Variants in DOK7 observed in about 807,000 individuals in gnomAD.
DOK7 encodes the protein protein Dok-7.
Under a neutral mutation model 30.7 loss-of-function variants are expected in DOK7, and 32 were observed. The observed-to-expected ratio is 1.04, with a 90% CI of 0.79 to 1.40. DOK7 has a LOEUF of 1.40. Ranked by LOEUF, DOK7 falls within the 40% of genes most tolerant of loss-of-function variation. The pLI, the probability that DOK7 is intolerant of heterozygous loss-of-function variation, is 0.00. For synonymous variants in DOK7, 447 were observed against 324.1 expected (o/e 1.38, Z -4.07); for missense variants, 1,007 against 699.2 (o/e 1.44, Z -4.97).
chr4:3,487,043 G>A (rs1208085902), intron 5 of DOK7, among the ~76,000 whole-genome samples: 1 of 152,120 alleles, frequency 6.6e-6, no homozygotes, highest in African/African-American at 2.4e-5. Context: ...CCAGCCCCAG[G>A]CGGGGCCATT....
At chr4:3,475,133 T>G (rs889774206) in intron 3 of DOK7, among the ~76,000 whole-genome samples, 1 of 152,060 alleles carries the variant, frequency 6.6e-6, no homozygotes, top group Non-Finnish European at 1.5e-5. Context: ...GGAGGTGCGG[T>G]TGGCTCTGCA....
At chr4:3,480,464 C>G (rs181581730) in intron 4 of DOK7, among the ~76,000 whole-genome samples, 1 of 152,198 alleles carries the variant, frequency 6.6e-6, no homozygotes, top group Admixed American at 6.5e-5. Context: ...AAAAATTAGG[C>G]AGGTGTGGTA....
Position 3,493,454 on chromosome 4 carries a change from T to C in DOK7, c.1468T>C (p.Ser490Pro). The change falls in exon 7 of 7, where the codon TCG becomes CCG. Residue 490 changes from serine (S) to proline (P), a missense_variant. Coordinates refer to ENST00000340083, the MANE Select transcript of DOK7 (RefSeq NM_173660.5). Reference sequence around the variant, plus strand: ...CGCGGGGCCACCCCCGGCTTTCTTTTCGGCATGTCCAGTCTGTGGAGGACT... The same window carrying C: ...CGCGGGGCCACCCCCGGCTTTCTTTCCGGCATGTCCAGTCTGTGGAGGACT... ...PHAGPPPAFF[S>P]ACPVCGGLKV... 6.2e-7 allele frequency: 1 copy of C among 1,610,158 alleles called. No individual in the cohort carries two copies. Among genetic ancestry groups the C allele is most frequent in the Non-Finnish European group, 8.5e-7 (1 of 1,178,854 alleles).
At position 3,494,404 on chromosome 4, in the gene DOK7, TCTTTGTCC is replaced by T. The variant is rs1728777338; in HGVS notation, c.*907_*914del. Reference sequence around the variant, plus strand: ...AGCCCAGCAGCTCCCTGTGAACACCTCTTTGTCCCTTCACTGTCAGCTGTTTCTAAACC... The same window carrying T: ...AGCCCAGCAGCTCCCTGTGAACACCTCTTCACTGTCAGCTGTTTCTAAACC... On this transcript the variant is annotated 3_prime_UTR_variant, in exon 7 of 7. Coordinates refer to ENST00000340083, the MANE Select transcript of DOK7 (RefSeq NM_173660.5). 1 of 985,834 alleles carries T rather than the reference TCTTTGTCC, an allele frequency of 1.0e-6. No individual in the cohort carries two copies. 61.1% of individuals were successfully genotyped at this position (985,834 alleles called of 1,614,324 possible). A position where few individuals can be genotyped will look rare whatever the true frequency, so the allele number is the denominator to read the frequency against.
At chr4:3,498,818 A>AG (rs530321647), downstream of DOK7, among the ~76,000 whole-genome samples, 60 of 152,326 alleles carry the variant, frequency 3.9e-4, no homozygotes, top group African/African-American at 1.4e-3. Flanking sequence ...CATTTGCAGG[A>AG]GGGGGGTCTC....
chr4:3,494,163 T>G lies in DOK7; in HGVS notation c.*662T>G, dbSNP rs1409907106. 22 of 985,590 alleles carry G rather than the reference T, an allele frequency of 2.2e-5. No individual in the cohort carries two copies. The highest frequency in any genetic ancestry group is 5.2e-4 in the Middle Eastern group (1 of 1,914). 61.1% of individuals were successfully genotyped at this position (985,590 alleles called of 1,614,324 possible). A position where few individuals can be genotyped will look rare whatever the true frequency, so the allele number is the denominator to read the frequency against. On this transcript the variant is annotated 3_prime_UTR_variant, in exon 7 of 7. Coordinates refer to ENST00000340083, the MANE Select transcript of DOK7 (RefSeq NM_173660.5). Reference sequence around the variant, plus strand: ...GTGGTGTCCTCAGAGCAGCCTCGCCTGCTGACCCCACTGGGAGAGGCGCCG... The same window carrying G: ...GTGGTGTCCTCAGAGCAGCCTCGCCGGCTGACCCCACTGGGAGAGGCGCCG...
chr4:3,493,282 G>A lies in DOK7; in HGVS notation c.1296G>A (p.Arg432=), dbSNP rs1288310207. 1 of 1,609,940 alleles carries A rather than the reference G, an allele frequency of 6.2e-7. No homozygotes were observed. The highest frequency in any genetic ancestry group is 8.5e-7 in the Non-Finnish European group (1 of 1,178,744). The stretch of plus-strand genomic sequence containing the variant: ...GCAGCCCCGGCAACAGTGCGGCCAG[G>A]GACTCAGGCGGCCAGACGTCCGCCG... The part of the protein sequence containing the change: ...SQGSPGNSAA[R]DSGGQTSAGC... The change falls in exon 7 of 7, where the codon AGG becomes AGA. Residue 432 remains arginine (R), a synonymous_variant. Coordinates refer to ENST00000340083, the MANE Select transcript of DOK7 (RefSeq NM_173660.5).
intron 4 of DOK7, 66 bp from the exon 5 acceptor site, chr4:3,485,473 C>A: frequency 7.0e-7 from 1 of 1,436,886 alleles, no homozygotes; most frequent in East Asian, 2.7e-5. Flanking sequence ...TTCCTGTGTT[C>A]CTCCTCTTCA....
chr4:3,492,607 C>A, intron 6 of DOK7, 152 bp from the exon 7 acceptor site: 1 of 1,011,454 alleles, frequency 9.9e-7, no homozygotes, highest in Non-Finnish European at 1.5e-6. Flanking sequence ...TTGGTGAAGC[C>A]AGGTTTCTGC....
intron 4 of DOK7, among the ~76,000 whole-genome samples, chr4:3,478,930 G>A (rs1468681752): frequency 6.6e-6 from 1 of 152,232 alleles, no homozygotes; most frequent in Non-Finnish European, 1.5e-5. Flanking sequence ...TCTGCGGCAC[G>A]TGTGGGCAGC....
chr4:3,488,503 G>A (rs1037521949), intron 5 of DOK7, among the ~76,000 whole-genome samples: 7 of 152,222 alleles, frequency 4.6e-5, no homozygotes, highest in Admixed American at 6.5e-5. Context: ...CCATGGGGTC[G>A]GGACGTCTGG....
rs980031353 is a variant in DOK7, at chr4:3,493,721, G to A, written c.*220G>A. 5 of 1,424,328 alleles carry A rather than the reference G, an allele frequency of 3.5e-6. No individual in the cohort carries two copies. The highest frequency in any genetic ancestry group is 5.9e-5 in the Admixed American group (2 of 33,876). 88.2% of individuals were successfully genotyped at this position (1,424,328 alleles called of 1,614,324 possible). Reference sequence around the variant, plus strand: ...CTGGAAGGCAGGGGCTCTGGGTCCGGCAGGTCGGGGTCACCAGAGCCCCAA... The same window carrying A: ...CTGGAAGGCAGGGGCTCTGGGTCCGACAGGTCGGGGTCACCAGAGCCCCAA... On this transcript the variant is annotated 3_prime_UTR_variant, in exon 7 of 7. Coordinates refer to ENST00000340083, the MANE Select transcript of DOK7 (RefSeq NM_173660.5).
At chr4:3,501,041 G>A (rs776915355) in exon 8 of DOK7, 26 of 714,714 alleles carry the variant, frequency 3.6e-5, no homozygotes, top group Non-Finnish European at 4.6e-5. Context: ...CTGACCCTTC[G>A]GCCTGAAAGA....
At chr4:3,482,691 C>T (rs141384561) in intron 4 of DOK7, among the ~76,000 whole-genome samples, 2 of 152,378 alleles carry the variant, frequency 1.3e-5, no homozygotes, top group African/African-American at 2.4e-5. Context: ...TGTTCTCCCC[C>T]CTTTCCCCAA....
At chr4:3,487,966 C>T (rs997312618) in intron 5 of DOK7, among the ~76,000 whole-genome samples, 18 of 152,244 alleles carry the variant, frequency 1.2e-4, no homozygotes, top group Admixed American at 2.0e-4. Flanking sequence ...CTGAATGTGT[C>T]TGTGAAAGTG....
intron 4 of DOK7, among the ~76,000 whole-genome samples, chr4:3,480,722 G>T (rs1727393718): frequency 6.6e-6 from 1 of 152,266 alleles, no homozygotes; most frequent in South Asian, 2.1e-4. Flanking sequence ...ACTGCAGCCT[G>T]CGGGGGCAGC....
At chr4:3,483,814 G>C (rs534120226) in intron 4 of DOK7, among the ~76,000 whole-genome samples, 1 of 152,316 alleles carries the variant, frequency 6.6e-6, no homozygotes, top group African/African-American at 2.4e-5. Context: ...GCCTGGCACT[G>C]AGTGAGCCAG....
rs1043828977 is a variant in DOK7, at chr4:3,493,624, C to G, written c.*123C>G. ...TTCTGTGGGAGGGACCGGGGGTCTC[C>G]CGGAGAGGGGAGCTGGAGGGCGCGC... On this transcript the variant is annotated 3_prime_UTR_variant, in exon 7 of 7. Coordinates refer to ENST00000340083, the MANE Select transcript of DOK7 (RefSeq NM_173660.5). 5.4e-6 allele frequency: 8 copies of G among 1,494,842 alleles called. No homozygotes were observed. Among genetic ancestry groups the G allele is most frequent in the Admixed American group, 4.6e-5 (2 of 43,824 alleles). 92.6% of individuals were successfully genotyped at this position (1,494,842 alleles called of 1,614,324 possible).
Position 3,484,649 on chromosome 4 carries a change from G to A in DOK7, c.533-890G>A, listed in dbSNP as rs901143889. On this transcript the variant is annotated intron_variant, in intron 4 of 6. Transcript: ENST00000340083. ...GGGTGGCGGCTGCATCGCTCTGCCA[G>A]TGACGCTGGGCTGGTCCCTGGGGGC... 5 of 985,420 alleles carry A rather than the reference G, an allele frequency of 5.1e-6. No individual in the cohort carries two copies. In the African/African-American group the frequency reaches 8.7e-5, roughly 17 times the overall value. The allele number at this position is 985,420 out of a possible 1,614,324, so 61.0% of individuals were successfully genotyped here.
Sources: allele counts gnomAD v4.1 joint callset (sites outside exome capture counted in the v4.1 genomes callset), GRCh38; gene constraint gnomAD v4.1.1; transcripts MANE v1.5; gene names NCBI Gene and HGNC (gene_info 2026-07-23, HGNC 2026-07-21).